Variants in RFX2 observed in about 807,000 individuals in gnomAD.
RFX2 encodes the protein regulatory factor X2.
A neutral mutation model predicts 87.8 loss-of-function variants in RFX2; 20 were observed. The observed-to-expected ratio is 0.23, with a 90% CI of 0.16 to 0.33. RFX2 has a LOEUF of 0.33. RFX2 is among the 10% of genes least tolerant of loss of function. The pLI, the probability that RFX2 is intolerant of heterozygous loss-of-function variation, is 1.00. For missense variants in RFX2, 767 were observed against 1,012.3 expected, an observed-to-expected ratio of 0.76 and a Z score of 3.29; for synonymous variants, 397 against 431.3, an observed-to-expected ratio of 0.92 and a Z score of 0.98.
intron 1 of RFX2, among the ~76,000 whole-genome samples, chr19:6,093,301 G>A (rs768954059): frequency 2.8e-4 from 42 of 152,208 alleles, no homozygotes; most frequent in Non-Finnish European, 4.6e-4. Context: ...TTGAGAGGTT[G>A]AGTGGGGCAG....
At chr19:6,003,962 C>T (rs769171045) in intron 13 of RFX2, among the ~76,000 whole-genome samples, 13 of 152,198 alleles carry the variant, frequency 8.5e-5, no homozygotes, top group Middle Eastern at 3.4e-3. Context: ...CACAGAAACA[C>T]GCAATCTGTT....
chr19:6,083,746 A>T lies in RFX2; in HGVS notation c.-9+26647T>A, dbSNP rs2087817749. On this transcript the variant is annotated intron_variant, in intron 1 of 17. Coordinates refer to ENST00000303657, the MANE Select transcript of RFX2 (RefSeq NM_000635.4). This position sits in a 1 kb window ranked among gnomAD's most constrained non-coding sequence, Gnocchi z 4.6. ...GCCACCATGCCCGGGTAATTTTTTA[A>T]TTTTTTGTACAGATGGGGTCTCACC... 6.6e-6 allele frequency among the ~76,000 whole-genome samples: 1 copy of T among 151,538 alleles called. No homozygotes were observed. The highest frequency in any genetic ancestry group is 1.5e-5 in the Non-Finnish European group (1 of 67,928).
intron 6 of RFX2, among the ~76,000 whole-genome samples, chr19:6,018,671 G>T (rs1273439354): frequency 6.6e-6 from 1 of 152,236 alleles, no homozygotes; most frequent in Non-Finnish European, 1.5e-5. Context: ...CCTCCAAGGG[G>T]TGGGAAGAGT....
At chr19:6,082,642 A>C (rs2087801655) in intron 1 of RFX2, among the ~76,000 whole-genome samples, 1 of 152,210 alleles carries the variant, frequency 6.6e-6, no homozygotes, top group African/African-American at 2.4e-5. Context: ...CATGTTGCCC[A>C]GACTGGTCTT....
chr19:6,091,468 A>G (rs2087934345), intron 1 of RFX2, among the ~76,000 whole-genome samples: 1 of 151,994 alleles, frequency 6.6e-6, no homozygotes, highest in Non-Finnish European at 1.5e-5. Flanking sequence ...AAAAAGGTGA[A>G]TTGTATGTGA....
rs1410032762 is a variant in RFX2, at chr19:6,039,451, T to G, written c.522+529A>C. ...AAGTTGATTTTACTTTGTGTTAATT[T>G]AAGAAGGAAAATAAATGAAAAGTAA... On this transcript the variant is annotated intron_variant, in intron 5 of 17. Coordinates refer to ENST00000303657, the MANE Select transcript of RFX2 (RefSeq NM_000635.4). The surrounding 1 kb of genome is among the most constrained non-coding windows in gnomAD (Gnocchi z 5.2). Among the ~76,000 whole-genome samples the G allele has an allele frequency of 6.6e-6, 1 of 152,180 alleles. No individual in the cohort carries two copies. The highest frequency in any genetic ancestry group is 2.4e-5 in the African/African-American group (1 of 41,402).
At chr19:6,033,844 G>A (rs1599869732) in intron 5 of RFX2, among the ~76,000 whole-genome samples, 1 of 152,130 alleles carries the variant, frequency 6.6e-6, no homozygotes, top group East Asian at 1.9e-4. Context: ...TTAAAAAAAA[G>A]TGGTGATAAA....
intron 3 of RFX2, among the ~76,000 whole-genome samples, 189 bp from the exon 4 acceptor site, chr19:6,042,312 C>G (rs531003786): frequency 6.6e-6 from 1 of 152,208 alleles, no homozygotes; most frequent in Non-Finnish European, 1.5e-5. Context: ...ATATTCCAAA[C>G]GGGCCCACAC....
At chr19:6,086,956 G>A (rs2087863144) in intron 1 of RFX2, among the ~76,000 whole-genome samples, 1 of 152,024 alleles carries the variant, frequency 6.6e-6, no homozygotes, top group Non-Finnish European at 1.5e-5. Flanking sequence ...GATCCAGACT[G>A]ATGAAAGATT....
At chr19:6,092,324 G>A (rs966211329) in intron 1 of RFX2, among the ~76,000 whole-genome samples, 1 of 152,138 alleles carries the variant, frequency 6.6e-6, no homozygotes, top group African/African-American at 2.4e-5. Flanking sequence ...CCCTAAACCC[G>A]GGCCATGGCA....
intron 1 of RFX2, chr19:6,077,167 G>A (rs1430456106): frequency 6.6e-6 from 1 of 152,218 alleles, no homozygotes; most frequent in African/African-American, 2.4e-5. Context: ...CGGTGAGAGG[G>A]AGTGAGCCAG....
intron 1 of RFX2, among the ~76,000 whole-genome samples, chr19:6,105,672 G>A (rs541786589): frequency 3.2e-4 from 49 of 152,184 alleles, no homozygotes; most frequent in Middle Eastern, 3.2e-3. Context: ...AGATGCTGGT[G>A]GCTGGGACCA....
At chr19:6,008,520 G>C (rs1228170170) in intron 9 of RFX2, among the ~76,000 whole-genome samples, 1 of 151,446 alleles carries the variant, frequency 6.6e-6, no homozygotes, top group Non-Finnish European at 1.5e-5. Context: ...TTACAGGTGG[G>C]CGCCACGATG....
chr19:6,015,948 A>G (rs1256704071), intron 7 of RFX2, 142 bp downstream of exon 7: 5 of 701,970 alleles, frequency 7.1e-6, no homozygotes, highest in African/African-American at 3.6e-5. Context: ...GCTGCCGCCA[A>G]TTGAAAGTAA....
Position 6,007,034 on chromosome 19 carries a change from G to A in RFX2, c.1380C>T (p.Pro460=), listed in dbSNP as rs78524264. 4.8e-3 allele frequency: 7,705 copies of A among 1,614,120 alleles called. 132 individuals are homozygous for A. In the East Asian group the frequency reaches 0.069, roughly 15 times the overall value. The stretch of plus-strand genomic sequence containing the variant: ...TACTGGGGACCGGCCTCAGCACGTC[G>A]GGGATGAGAATCTCCACCAGCGCCT... ...LYQALVEILI[P]DVLRPVPSTL... The change falls in exon 12 of 18, where the codon CCC becomes CCT. Residue 460 remains proline, a synonymous_variant. Coordinates refer to ENST00000303657, the MANE Select transcript of RFX2 (RefSeq NM_000635.4). This position sits in a 1 kb window ranked among gnomAD's most constrained non-coding sequence, Gnocchi z 8.2.
Position 6,056,346 on chromosome 19 carries a change from AT to A in RFX2, c.-8-8843del, listed in dbSNP as rs574410451. Among the ~76,000 whole-genome samples, 16 of 152,280 alleles carry A rather than the reference AT, an allele frequency of 1.1e-4. No homozygotes were observed. The East Asian group carries it at 2.9e-3, about 28-fold the overall frequency. On this transcript the variant is annotated intron_variant, in intron 1 of 17. Coordinates refer to ENST00000303657, the MANE Select transcript of RFX2 (RefSeq NM_000635.4). This position sits in a 1 kb window ranked among gnomAD's most constrained non-coding sequence, Gnocchi z 4.6. ...TGTATTTACTTTGTGGATGTTTGAA[AT>A]TTCCATGATAAGGAGTTAAACAAAC...
chr19:6,098,651 T>C (rs1054648368), intron 1 of RFX2, among the ~76,000 whole-genome samples: 3 of 151,980 alleles, frequency 2.0e-5, no homozygotes, highest in African/African-American at 7.3e-5. Flanking sequence ...CACGAGAGAC[T>C]TTCTCCTCAG....
rs1158240977 is a variant in RFX2, at chr19:6,021,414, T to G, written c.597+4749A>C. Among the ~76,000 whole-genome samples, 1 of 152,198 alleles carries G rather than the reference T, an allele frequency of 6.6e-6. No individual in the cohort carries two copies. The highest frequency in any genetic ancestry group is 1.9e-4 in the East Asian group (1 of 5,194). ...GTAAAATGAACCGAATGAGGGCTGA[T>G]GCCGAGTGCCGTCAGAGAAATTCAC... On this transcript the variant is annotated intron_variant, in intron 6 of 17. Coordinates refer to ENST00000303657, the MANE Select transcript of RFX2 (RefSeq NM_000635.4). This position sits in a 1 kb window ranked among gnomAD's most constrained non-coding sequence, Gnocchi z 5.7.
rs557036163 is a variant in RFX2 at position 5,993,809 on chromosome 19, G to C, written c.*1026C>G. 6.6e-6 allele frequency: 1 copy of C among 152,188 alleles called. No individual in the cohort carries two copies. Among genetic ancestry groups the C allele is most frequent in the Non-Finnish European group, 1.5e-5 (1 of 68,040 alleles). The allele number at this position is 152,188 out of a possible 1,614,324, so 9.4% of individuals were successfully genotyped here. On this transcript the variant is annotated 3_prime_UTR_variant, in exon 18 of 18. Coordinates refer to ENST00000303657, the MANE Select transcript of RFX2 (RefSeq NM_000635.4). ...GAGAGAAGAGTTTTGACTTTGAAGAGGTCCAGGTGGGACTCGCTGGGGGTG... is the reference window on the plus strand; with the variant it reads ...GAGAGAAGAGTTTTGACTTTGAAGACGTCCAGGTGGGACTCGCTGGGGGTG...
Sources: allele counts gnomAD v4.1 joint callset (sites outside exome capture counted in the v4.1 genomes callset), GRCh38; gene constraint gnomAD v4.1.1; non-coding constraint Gnocchi (gnomAD v3.1); transcripts MANE v1.5; gene names NCBI Gene and HGNC (gene_info 2026-07-23, HGNC 2026-07-21).